DPP6: variants seen among roughly 807,000 people sequenced by gnomAD.
DPP6 encodes the protein dipeptidyl peptidase like 6.
A neutral mutation model predicts 122.6 loss-of-function variants in DPP6; 69 were observed. The observed-to-expected ratio is 0.56, with a 90% CI of 0.46 to 0.69. The LOEUF (loss-of-function observed/expected upper bound fraction) is 0.69. DPP6 is among the 30% of genes least tolerant of loss of function. DPP6 has a pLI of 0.00. For synonymous variants in DPP6, 418 were observed against 433.1 expected (o/e 0.97, Z 0.43); for missense variants, 928 against 1,116.9 (o/e 0.83, Z 2.41).
chr7:154,770,752 T>C (rs182448930), intron 9 of DPP6, among the ~76,000 whole-genome samples: 4 of 152,270 alleles, frequency 2.6e-5, no homozygotes, highest in Admixed American at 6.5e-5. Context: ...GGAGGGAATA[T>C]TGGGGGGAAC....
intron 3 of DPP6, among the ~76,000 whole-genome samples, chr7:154,488,841 C>T (rs776483557): frequency 6.6e-6 from 1 of 152,126 alleles, no homozygotes; most frequent in African/African-American, 2.4e-5. Context: ...ACCTAAATCC[C>T]CGTCCCTCCT....
the DPP6 span, among the ~76,000 whole-genome samples, chr7:153,824,700 T>TA: frequency 0.052 from 7,455 of 142,638 alleles, 348 homozygotes; most frequent in East Asian, 0.13. Flanking sequence ...AACATAAAAA[T>TA]AAAAAAAAAA....
At chr7:154,141,451 C>A (rs71534106) in intron 1 of DPP6, among the ~76,000 whole-genome samples, 8 of 151,200 alleles carry the variant, frequency 5.3e-5, no homozygotes, top group Admixed American at 2.0e-4. Flanking sequence ...GTTTACTGCT[C>A]TATCTGATCA....
intron 4 of DPP6, among the ~76,000 whole-genome samples, chr7:154,546,856 CT>C (rs1213496093): frequency 6.6e-6 from 1 of 152,190 alleles, no homozygotes; most frequent in Non-Finnish European, 1.5e-5. Flanking sequence ...TTTCTTTTTA[CT>C]TCTTCAAATA....
intron 1 of DPP6, among the ~76,000 whole-genome samples, chr7:154,108,435 GT>G (rs1261470435): frequency 6.6e-6 from 1 of 152,164 alleles, no homozygotes; most frequent in Non-Finnish European, 1.5e-5. Context: ...TCATCTGCTG[GT>G]TGCAAGGGGA....
chr7:154,078,876 A>G (rs1306377918), intron 1 of DPP6, among the ~76,000 whole-genome samples: 1 of 150,354 alleles, frequency 6.7e-6, no homozygotes, highest in Non-Finnish European at 1.5e-5. Context: ...AAATGATTGT[A>G]GATTTTTTAA....
intron 1 of DPP6, among the ~76,000 whole-genome samples, chr7:154,199,754 C>T (rs1251189418): frequency 1.3e-5 from 2 of 152,086 alleles, no homozygotes; most frequent in East Asian, 1.9e-4. Context: ...AGATTACAGG[C>T]ACACACCACC....
the DPP6 span, among the ~76,000 whole-genome samples, chr7:153,753,626 C>A: frequency 2.6e-5 from 4 of 152,144 alleles, no homozygotes; most frequent in East Asian, 7.8e-4. Flanking sequence ...AGTTTTCGTT[C>A]TCATTCCACC....
chr7:154,803,667 G>C (rs778307151), intron 13 of DPP6, among the ~76,000 whole-genome samples, 197 bp from the exon 14 acceptor site: 2 of 152,152 alleles, frequency 1.3e-5, no homozygotes, highest in Non-Finnish European at 2.9e-5. Context: ...GGGAGGCTGC[G>C]GGCCTGGGGT....
chr7:154,741,557 A>G (rs773224775), intron 8 of DPP6, among the ~76,000 whole-genome samples: 6 of 152,190 alleles, frequency 3.9e-5, no homozygotes, highest in Non-Finnish European at 8.8e-5. Context: ...CACCTGGATT[A>G]TTTTATTTAA....
intron 5 of DPP6, among the ~76,000 whole-genome samples, chr7:154,610,803 G>A (rs1833869938): frequency 6.6e-6 from 1 of 151,432 alleles, no homozygotes; most frequent in African/African-American, 2.4e-5. Flanking sequence ...TTTTCCCAGG[G>A]TTTGCACTGA....
the DPP6 span, among the ~76,000 whole-genome samples, chr7:153,839,013 G>T: frequency 1.3e-5 from 2 of 152,108 alleles, no homozygotes; most frequent in East Asian, 3.9e-4. Flanking sequence ...CACCTCCAAA[G>T]TTCCTGATTC....
At chr7:154,446,661 G>C (rs1286895757) in intron 2 of DPP6, among the ~76,000 whole-genome samples, 2 of 151,994 alleles carry the variant, frequency 1.3e-5, no homozygotes, top group African/African-American at 4.8e-5. Flanking sequence ...TTATATCAAG[G>C]GTGAATTAAG....
chr7:154,863,971 G>A lies in DPP6; in HGVS notation c.1715-4024G>A, dbSNP rs1308093043. ...AGCTGCAAGAGCACAGGGAGGGGGC[G>A]AGGTGGGGCAGAGAGGGGTCCTACT... On this transcript the variant is annotated intron_variant, in intron 17 of 25. Transcript: ENST00000377770. The surrounding 1 kb of genome is among the most constrained non-coding windows in gnomAD (Gnocchi z 4.1). 6.6e-6 allele frequency among the ~76,000 whole-genome samples: 1 copy of A among 152,102 alleles called. No individual in the cohort carries two copies.
chr7:154,001,290 T>C (rs1221172026), intron 1 of DPP6, among the ~76,000 whole-genome samples: 1 of 149,656 alleles, frequency 6.7e-6, no homozygotes, highest in Non-Finnish European at 1.5e-5. Context: ...ACTTGAATGG[T>C]GGTGTGAAAA....
At chr7:154,264,191 G>GAGTTCA in intron 1 of DPP6, among the ~76,000 whole-genome samples, 1 of 152,264 alleles carries the variant, frequency 6.6e-6, no homozygotes, top group Non-Finnish European at 1.5e-5. Flanking sequence ...TATTTGCACT[G>GAGTTCA]AGTTCAAGTA....
intron 16 of DPP6, among the ~76,000 whole-genome samples, chr7:154,841,614 G>A (rs1400265246): frequency 6.6e-6 from 1 of 151,676 alleles, no homozygotes; most frequent in Non-Finnish European, 1.5e-5. Context: ...GATTGGGAAG[G>A]TTTCCCTTAT....
intron 1 of DPP6, among the ~76,000 whole-genome samples, chr7:153,995,566 G>C (rs1408988018): frequency 1.6e-5 from 2 of 126,714 alleles, no homozygotes; most frequent in Non-Finnish European, 3.1e-5. Flanking sequence ...TATGGCCCAG[G>C]TGAAAGAGTG....
rs1428577967 is a variant in DPP6 at position 154,876,108 on chromosome 7, C to A, written c.2078+8C>A. The A allele has an allele frequency of 3.8e-6, 6 of 1,572,146 alleles. No individual in the cohort carries two copies. Among genetic ancestry groups the A allele is most frequent in the Admixed American group, 1.7e-5 (1 of 57,778 alleles). On this transcript the variant is annotated splice_region_variant and intron_variant, in intron 20 of 25. Transcript: ENST00000377770. ...CCAGATGGAGGCCGTGCGGTGAGCA[C>A]CCGCCCAGGAAGCAGGAGAGGCCGG...
Sources: gnomAD v4.1 joint callset for allele counts (sites outside exome capture counted in the v4.1 genomes callset) on GRCh38, gnomAD v4.1.1 for gene constraint, Gnocchi (gnomAD v3.1) non-coding constraint, MANE v1.5 for transcripts, NCBI Gene and HGNC (gene_info 2026-07-23, HGNC 2026-07-21) for gene names.